Variants in RIC1 observed in about 807,000 individuals in gnomAD.
RIC1 encodes RIC1 partner of RAB6A GEF complex, also known as guanine nucleotide exchange factor subunit RIC1.
A neutral mutation model predicts 169.0 loss-of-function variants in RIC1; 88 were observed. The ratio of observed to expected loss-of-function variants is 0.52; its 90% CI spans 0.44 to 0.62. The LOEUF is 0.62. Among genes scored for constraint, RIC1 ranks in the 20% least tolerant of loss-of-function variants. The pLI is 0.00. For synonymous variants in RIC1, 790 were observed against 601.5 expected (o/e 1.31, Z -4.59); for missense variants, 1,877 against 1,725.5 (o/e 1.09, Z -1.56).
intron 3 of RIC1, among the ~76,000 whole-genome samples, chr9:5,710,544 G>C (rs1198947716): frequency 6.6e-6 from 1 of 152,190 alleles, no homozygotes; most frequent in Non-Finnish European, 1.5e-5. Flanking sequence ...CCAGTTGACA[G>C]CCTGCAGACA....
At chr9:5,722,097 A>G (rs569913797) in intron 6 of RIC1, among the ~76,000 whole-genome samples, 64 of 152,034 alleles carry the variant, frequency 4.2e-4, no homozygotes, top group African/African-American at 1.5e-3. Context: ...CCTGTTGGTC[A>G]GGCTGGTCTT....
intron 1 of RIC1, among the ~76,000 whole-genome samples, chr9:5,644,869 C>G (rs1304228747): frequency 6.6e-6 from 1 of 152,188 alleles, no homozygotes; most frequent in African/African-American, 2.4e-5. Context: ...CATTTTACAA[C>G]CCCACCAATA....
chr9:5,712,033 C>T (rs1196040536), intron 3 of RIC1, among the ~76,000 whole-genome samples: 2 of 152,266 alleles, frequency 1.3e-5, no homozygotes, highest in African/African-American at 4.8e-5. Flanking sequence ...CCGCAATAAA[C>T]ATACATGCGC....
intron 2 of RIC1, among the ~76,000 whole-genome samples, chr9:5,664,675 A>G (rs1278071196): frequency 6.6e-6 from 1 of 152,016 alleles, no homozygotes; most frequent in Non-Finnish European, 1.5e-5. Flanking sequence ...TAGGTTGGGG[A>G]AGTTCTCCTG....
chr9:5,747,610 C>G, intron 12 of RIC1, 105 bp downstream of exon 12: 1 of 1,010,936 alleles, frequency 9.9e-7, no homozygotes, highest in Non-Finnish European at 1.5e-6. Flanking sequence ...ACTGAGAATC[C>G]TTTTAACCAT....
At chr9:5,726,019 T>C (rs1025448822) in intron 6 of RIC1, among the ~76,000 whole-genome samples, 1 of 152,196 alleles carries the variant, frequency 6.6e-6, no homozygotes, top group Non-Finnish European at 1.5e-5. Flanking sequence ...CTGAGAAGAA[T>C]GTATATTCTG....
chr9:5,778,121 CTT>C (rs913897935), downstream of RIC1, among the ~76,000 whole-genome samples: 3 of 152,078 alleles, frequency 2.0e-5, no homozygotes, highest in African/African-American at 7.2e-5. Context: ...TTTTTAATGT[CTT>C]TTAACAGTGG....
chr9:5,669,678 G>C (rs1049820800), intron 2 of RIC1, among the ~76,000 whole-genome samples: 8 of 152,188 alleles, frequency 5.3e-5, no homozygotes, highest in Non-Finnish European at 1.2e-4. Context: ...GACTATCGCA[G>C]TATATATAGG....
chr9:5,714,213 A>T (rs1415605708), intron 4 of RIC1, among the ~76,000 whole-genome samples: 1 of 152,210 alleles, frequency 6.6e-6, no homozygotes, highest in East Asian at 1.9e-4. Context: ...TGAATATACC[A>T]ACTATAATCT....
At chr9:5,711,511 T>C (rs1246067101) in intron 3 of RIC1, among the ~76,000 whole-genome samples, 2 of 152,132 alleles carry the variant, frequency 1.3e-5, no homozygotes, top group East Asian at 1.9e-4. Context: ...TTTTAGGAGT[T>C]GGTCTGTTCA....
chr9:5,765,822 T>G (rs776497826), intron 21 of RIC1, 24 bp downstream of exon 21: 1 of 1,612,820 alleles, frequency 6.2e-7, no homozygotes, highest in Admixed American at 1.7e-5. Context: ...GAGCCATTAC[T>G]GCTTTTTGGG....
At chr9:5,733,260 A>G (rs1464523320) in intron 7 of RIC1, among the ~76,000 whole-genome samples, 8 of 151,250 alleles carry the variant, frequency 5.3e-5, no homozygotes, top group Non-Finnish European at 5.9e-5. Context: ...TTAAGTATCA[A>G]AGATTTTTTT....
intron 12 of RIC1, among the ~76,000 whole-genome samples, chr9:5,749,856 G>A (rs1472747184): frequency 7.8e-6 from 1 of 128,022 alleles, no homozygotes; most frequent in Non-Finnish European, 1.5e-5. Context: ...TCAGCTCACT[G>A]CAACCTCCAC....
intron 3 of RIC1, among the ~76,000 whole-genome samples, chr9:5,692,065 A>T (rs1463063493): frequency 1.3e-5 from 2 of 152,098 alleles, no homozygotes; most frequent in African/African-American, 4.8e-5. Flanking sequence ...TAAGGCAGAG[A>T]ACTAAATAAA....
intron 8 of RIC1, among the ~76,000 whole-genome samples, chr9:5,740,733 T>A (rs558897987): frequency 6.6e-6 from 1 of 151,986 alleles, no homozygotes; most frequent in East Asian, 1.9e-4. Flanking sequence ...CCACCCAGAT[T>A]AAGGGTGGGT....
chr9:5,686,771 G>A (rs921644946), intron 2 of RIC1, among the ~76,000 whole-genome samples: 1 of 150,250 alleles, frequency 6.7e-6, no homozygotes, highest in Non-Finnish European at 1.5e-5. Context: ...AAAACTTAAA[G>A]TATAATAATA....
chr9:5,712,626 C>A (rs10975255), intron 3 of RIC1, among the ~76,000 whole-genome samples: 45,294 of 152,108 alleles, frequency 0.3, 7,955 homozygotes, highest in East Asian at 0.61. Flanking sequence ...AGCTTTCTAG[C>A]CCTATTTGAA....
chr9:5,735,369 C>T (rs1824635603), intron 7 of RIC1, among the ~76,000 whole-genome samples: 1 of 152,174 alleles, frequency 6.6e-6, no homozygotes. Flanking sequence ...TGTGCAGTTC[C>T]ATTTACTGCA....
intron 2 of RIC1, among the ~76,000 whole-genome samples, chr9:5,685,318 A>T (rs1342362307): frequency 6.6e-6 from 1 of 151,510 alleles, no homozygotes; most frequent in Non-Finnish European, 1.5e-5. Flanking sequence ...CGCATCGCCA[A>T]GTCAATCCTA....
Sources: allele counts gnomAD v4.1 joint callset (sites outside exome capture counted in the v4.1 genomes callset), GRCh38; gene constraint gnomAD v4.1.1; transcripts MANE v1.5; gene names NCBI Gene and HGNC (gene_info 2026-07-23, HGNC 2026-07-21).